The following PKHD1 variants were observed in gnomAD, a reference collection of about 807,000 sequenced individuals.
PKHD1 encodes the protein fibrocystin.
Under a neutral mutation model 412.0 loss-of-function variants are expected in PKHD1, and 291 were observed. The ratio of observed to expected loss-of-function variants is 0.71; its 90% confidence interval spans 0.64 to 0.78. The LOEUF is 0.78. Among genes scored for constraint, PKHD1 ranks in the 30% least tolerant of loss-of-function variants. The probability of loss-of-function intolerance (pLI) is 0.00; values close to 1 mark genes in which losing one functional copy is unlikely to be tolerated. For synonymous variants in PKHD1, 1,777 were observed against 1,821.5 expected (o/e 0.98, Z 0.62); for missense variants, 4,825 against 4,950.7 (o/e 0.97, Z 0.76).
At chr6:51,762,901 C>T (rs1788281366) in intron 55 of PKHD1, among the ~76,000 whole-genome samples, 2 of 152,004 alleles carry the variant, frequency 1.3e-5, no homozygotes, top group African/African-American at 4.8e-5. Flanking sequence ...TCAGGGAACA[C>T]TGAGTGAAGG....
rs145979687 is a variant in PKHD1, at chr6:52,028,350, G to A, written c.3366C>T (p.Gly1122=). The A allele has an allele frequency of 4.8e-5, 77 of 1,612,880 alleles. No homozygotes were observed. The highest frequency in any genetic ancestry group is 6.1e-5 in the Non-Finnish European group (72 of 1,179,674). The change falls in exon 30 of 67, where the codon GGC becomes GGT. Residue 1122 remains glycine (G), a splice_region_variant and synonymous_variant. Coordinates refer to ENST00000371117, the MANE Select transcript of PKHD1 (RefSeq NM_138694.4). ...TLSRNISNIA[G]GETLVIGVAR... ...CCACTCCAATGACCAGGGTCTCACCGCCTGTGTTGAGAAGAATCCAATAGC... is the reference window on the plus strand; with the variant it reads ...CCACTCCAATGACCAGGGTCTCACCACCTGTGTTGAGAAGAATCCAATAGC...
intron 58 of PKHD1, 44 bp from the exon 59 acceptor site, chr6:51,746,933 C>A (rs1414584376): frequency 1.1e-5 from 12 of 1,142,118 alleles, no homozygotes; most frequent in Non-Finnish European, 1.5e-5. Flanking sequence ...ATCATATAAA[C>A]CACCAGCCAC....
chr6:52,066,193 C>A, intron 11 of PKHD1, 116 bp from the exon 12 acceptor site: 1 of 621,710 alleles, frequency 1.6e-6, no homozygotes, highest in Non-Finnish European at 2.8e-6. Context: ...TTTCTAAGTC[C>A]AGCAACAGTT....
intron 49 of PKHD1, among the ~76,000 whole-genome samples, chr6:51,850,891 T>C (rs139195660): frequency 1.4e-4 from 21 of 152,282 alleles, no homozygotes; most frequent in African/African-American, 4.6e-4. Context: ...CCTTTATTTC[T>C]TTCTCTTGCC....
chr6:51,992,124 T>C (rs1357823241), intron 35 of PKHD1, among the ~76,000 whole-genome samples: 1 of 152,232 alleles, frequency 6.6e-6, no homozygotes, highest in Non-Finnish European at 1.5e-5. Context: ...ATGATAATAG[T>C]CATCACTTTA....
At chr6:51,809,098 C>A (rs1275225062) in intron 52 of PKHD1, among the ~76,000 whole-genome samples, 1 of 152,002 alleles carries the variant, frequency 6.6e-6, no homozygotes, top group African/African-American at 2.4e-5. Flanking sequence ...CAAAATAAAG[C>A]AAATGGAAAA....
intron 60 of PKHD1, among the ~76,000 whole-genome samples, chr6:51,671,074 C>A (rs1247846807): frequency 6.6e-6 from 1 of 151,718 alleles, no homozygotes; most frequent in Non-Finnish European, 1.5e-5. Flanking sequence ...CTCTGTAGTT[C>A]CTGAATCTGA....
chr6:51,626,381 T>C (rs907933025), intron 66 of PKHD1, among the ~76,000 whole-genome samples: 5 of 152,206 alleles, frequency 3.3e-5, no homozygotes, highest in South Asian at 2.1e-4. Context: ...GTCTTCCTAT[T>C]TGCAGCATTC....
intron 6 of PKHD1, among the ~76,000 whole-genome samples, chr6:52,074,897 C>T (rs1174640946): frequency 6.6e-6 from 1 of 152,188 alleles, no homozygotes; most frequent in Non-Finnish European, 1.5e-5. Flanking sequence ...CAATCCTTTC[C>T]CCAGAAGGTG....
Position 51,747,840 on chromosome 6 carries a change from G to A in PKHD1, c.9776C>T (p.Pro3259Leu). ...TSEPNQWPQE[P>L]WHKVRNDHSI... ...ATGATCATTCCTCACTTTGTGCCAT[G>A]GCTCCTGAGGCCACTGATTTGGTTC... The change falls in exon 58 of 67, where the codon CCA (proline) becomes CTA (leucine). Residue 3259 changes from proline to leucine, a missense_variant. Physicochemically the swap from Pro to Leu is moderately conservative, Grantham distance 98 (BLOSUM62 -3). Coordinates refer to ENST00000371117, the MANE Select transcript of PKHD1 (RefSeq NM_138694.4). The A allele has an allele frequency of 6.2e-7, 1 of 1,613,668 alleles. No individual in the cohort carries two copies. Among genetic ancestry groups the A allele is most frequent in the Non-Finnish European group, 8.5e-7 (1 of 1,179,722 alleles).
At chr6:51,842,572 C>A (rs1263808724) in intron 50 of PKHD1, among the ~76,000 whole-genome samples, 1 of 152,164 alleles carries the variant, frequency 6.6e-6, no homozygotes, top group Admixed American at 6.5e-5. Flanking sequence ...AGATTGTTTT[C>A]TCCACCCTTC....
chr6:51,984,201 T>A (rs1489839498), intron 35 of PKHD1, among the ~76,000 whole-genome samples: 1 of 152,246 alleles, frequency 6.6e-6, no homozygotes, highest in Non-Finnish European at 1.5e-5. Context: ...ATTAAAATTA[T>A]CCTTTCCCAA....
chr6:51,982,875 T>TAAAAAAA (rs747895518), intron 35 of PKHD1, among the ~76,000 whole-genome samples: 1 of 137,082 alleles, frequency 7.3e-6, no homozygotes, highest in East Asian at 2.1e-4. Context: ...TAAAATAAAA[T>TAAAAAAA]AAAATAAAAT....
intron 37 of PKHD1, among the ~76,000 whole-genome samples, chr6:51,924,439 C>T (rs1785205458): frequency 6.6e-6 from 1 of 152,164 alleles, no homozygotes; most frequent in Non-Finnish European, 1.5e-5. Context: ...CTATAAATTT[C>T]GGACTTTACC....
At chr6:51,781,290 A>G (rs1791967306) in intron 53 of PKHD1, among the ~76,000 whole-genome samples, 1 of 152,172 alleles carries the variant, frequency 6.6e-6, no homozygotes, top group African/African-American at 2.4e-5. Context: ...CTGAAAATAA[A>G]TGTAGGGTAG....
intron 60 of PKHD1, among the ~76,000 whole-genome samples, chr6:51,672,771 A>G (rs547792148): frequency 1.5e-4 from 23 of 152,360 alleles, no homozygotes; most frequent in African/African-American, 4.8e-4. Flanking sequence ...ACTCATGCAT[A>G]TTAGAAAAAT....
chr6:51,998,680 G>T (rs74527301), intron 35 of PKHD1, among the ~76,000 whole-genome samples: 70 of 151,832 alleles, frequency 4.6e-4, no homozygotes, highest in East Asian at 4.1e-3. Flanking sequence ...ATTTTGTTTG[G>T]TTTTTTTCCC....
rs147574300 is a variant in PKHD1, at chr6:51,845,103, A to T, written c.8107+2672T>A. On this transcript the variant is annotated intron_variant, in intron 50 of 66. Coordinates refer to ENST00000371117, the MANE Select transcript of PKHD1 (RefSeq NM_138694.4). ...ATAAAATGCATGGCACAGAACTGGAACTCTACTTCTTGGGCTCTTGCTCGG... is the reference window on the plus strand; with the variant it reads ...ATAAAATGCATGGCACAGAACTGGATCTCTACTTCTTGGGCTCTTGCTCGG... 2.0e-4 allele frequency among the ~76,000 whole-genome samples: 31 copies of T among 152,326 alleles called. No individual in the cohort carries two copies. In the East Asian group the frequency reaches 5.6e-3, roughly 27 times the overall value.
Position 51,747,892 on chromosome 6 carries a change from C to CA in PKHD1, c.9723dup (p.Gly3242TrpfsTer25), listed in dbSNP as rs1582436832. ...GAGGTGAATACAGGCCACAGAATACCAATTCGACCTCCTCTTGGATTGGAG... is the reference window on the plus strand; with the variant it reads ...GAGGTGAATACAGGCCACAGAATACCAAATTCGACCTCCTCTTGGATTGGAG... On this transcript the variant is annotated frameshift_variant, in exon 58 of 67. Transcript: ENST00000371117. LOFTEE classifies it high-confidence loss of function. The CA allele has an allele frequency of 6.2e-7, 1 of 1,613,928 alleles. No individual in the cohort carries two copies. Among genetic ancestry groups the CA allele is most frequent in the Non-Finnish European group, 8.5e-7 (1 of 1,179,912 alleles).
Sources: allele counts gnomAD v4.1 joint callset (sites outside exome capture counted in the v4.1 genomes callset), GRCh38; gene constraint gnomAD v4.1.1; transcripts MANE v1.5; gene names NCBI Gene and HGNC (gene_info 2026-07-23, HGNC 2026-07-21).